PRKCB: variants seen among roughly 807,000 people sequenced by gnomAD.
PRKCB encodes protein kinase C beta type.
PRKCB carries 13 observed loss-of-function variants against 81.5 expected under a neutral mutation model. The observed-to-expected ratio is 0.16, with a 90% CI of 0.10 to 0.25. The LOEUF (loss-of-function observed/expected upper bound fraction) is 0.25. Among genes scored for constraint, PRKCB ranks in the 10% least tolerant of loss-of-function variants. The pLI is 1.00. For missense variants in PRKCB, 509 were observed against 875.7 expected, an observed-to-expected ratio of 0.58 and a Z score of 5.29; for synonymous variants, 335 against 321.4, an observed-to-expected ratio of 1.04 and a Z score of -0.45.
intron 6 of PRKCB, among the ~76,000 whole-genome samples, chr16:24,093,372 C>T (rs1966399986): frequency 6.6e-6 from 1 of 152,280 alleles, no homozygotes; most frequent in East Asian, 1.9e-4. Context: ...CACCAGCCTC[C>T]CTTGAGGGTC....
chr16:24,002,030 G>T (rs1444495391), intron 3 of PRKCB, among the ~76,000 whole-genome samples: 2 of 152,094 alleles, frequency 1.3e-5, no homozygotes, highest in African/African-American at 2.4e-5. Flanking sequence ...GTTATTTGTG[G>T]TTTCTCATGA....
Position 24,154,809 on chromosome 16 carries a change from T to C in PRKCB, c.1191T>C (p.Pro397=), listed in dbSNP as rs432998. ...TMVEKRVLAL[P]GKPPFLTQLH... ...TGGAGAAGCGGGTGTTGGCCCTGCC[T>C]GGGAAGCCGCCCTTCCTGACCCAGC... is the stretch of plus-strand genomic sequence containing the variant. The change falls in exon 10 of 17, where the codon CCT becomes CCC. Residue 397 remains proline, a synonymous_variant. Coordinates refer to ENST00000643927, the MANE Select transcript of PRKCB (RefSeq NM_002738.7). 546,694 of 1,613,752 alleles carry C rather than the reference T, an allele frequency of 0.34. 94,598 individuals carry two copies. The highest frequency in any genetic ancestry group is 0.47 in the South Asian group (42,643 of 91,052).
chr16:23,925,968 T>C (rs1368815304), intron 2 of PRKCB, among the ~76,000 whole-genome samples: 3 of 151,952 alleles, frequency 2.0e-5, no homozygotes, highest in African/African-American at 7.2e-5. Context: ...GGTTCCATCC[T>C]GTTGCTGCAA....
At chr16:23,861,000 G>A (rs1476330217) in intron 2 of PRKCB, among the ~76,000 whole-genome samples, 1 of 152,104 alleles carries the variant, frequency 6.6e-6, no homozygotes, top group African/African-American at 2.4e-5. Flanking sequence ...TCTAATGCAT[G>A]CAAATCTCCC....
intron 13 of PRKCB, among the ~76,000 whole-genome samples, chr16:24,182,367 A>G (rs1246266766): frequency 6.6e-6 from 1 of 152,080 alleles, no homozygotes; most frequent in East Asian, 1.9e-4. Flanking sequence ...AAAAAAAATT[A>G]AAAATTCGCC....
At chr16:23,847,403 T>C (rs559009370) in intron 2 of PRKCB, among the ~76,000 whole-genome samples, 2 of 151,700 alleles carry the variant, frequency 1.3e-5, no homozygotes, top group South Asian at 4.2e-4. Context: ...TATCCATCCA[T>C]CCACCTATCC....
intron 2 of PRKCB, among the ~76,000 whole-genome samples, chr16:23,892,690 C>T (rs896803262): frequency 6.6e-6 from 1 of 152,122 alleles, no homozygotes; most frequent in Non-Finnish European, 1.5e-5. Context: ...CGGTATACAG[C>T]ACTGAACGAA....
chr16:24,154,658 C>T (rs760425879), intron 9 of PRKCB, 26 bp from the exon 10 acceptor site: 12 of 1,612,750 alleles, frequency 7.4e-6, no homozygotes, highest in Non-Finnish European at 1.0e-5. Flanking sequence ...TTCCAACTGC[C>T]CTGACATGCT....
intron 2 of PRKCB, among the ~76,000 whole-genome samples, chr16:23,904,639 G>A (rs961425440): frequency 6.6e-6 from 1 of 152,202 alleles, no homozygotes; most frequent in Admixed American, 6.5e-5. Context: ...CTCCAGCCTG[G>A]GTGACAGAGC....
chr16:23,890,018 A>G (rs1963267762), intron 2 of PRKCB, among the ~76,000 whole-genome samples: 1 of 152,330 alleles, frequency 6.6e-6, no homozygotes, highest in South Asian at 2.1e-4. Flanking sequence ...TTATTCACTT[A>G]TCTAATTCCA....
intron 16 of PRKCB, among the ~76,000 whole-genome samples, chr16:24,207,141 G>C (rs148344877): frequency 1.4e-3 from 206 of 152,278 alleles, no homozygotes; most frequent in African/African-American, 4.9e-3. Context: ...TGTTGCCCAG[G>C]CTGGTCTCAC....
At chr16:23,866,474 C>A (rs1473517000) in intron 2 of PRKCB, among the ~76,000 whole-genome samples, 1 of 152,044 alleles carries the variant, frequency 6.6e-6, no homozygotes, top group Non-Finnish European at 1.5e-5. Flanking sequence ...CAATTTAGTC[C>A]CCTCTACCTT....
intron 2 of PRKCB, among the ~76,000 whole-genome samples, chr16:23,886,419 T>TG (rs1555482063): frequency 1.4e-5 from 2 of 142,458 alleles, no homozygotes; most frequent in Admixed American, 7.0e-5. Context: ...TTTTTTTTTT[T>TG]TTTTTTTTTT....
At chr16:24,197,027 G>T (rs920545466) in intron 16 of PRKCB, among the ~76,000 whole-genome samples, 16 of 151,520 alleles carry the variant, frequency 1.1e-4, no homozygotes, top group Admixed American at 5.9e-4. Flanking sequence ...AGCGTGTGCT[G>T]GTTCTGTCCT....
At position 24,216,056 on chromosome 16, in the gene PRKCB, A is replaced by G. The variant is rs1968223150; in HGVS notation, c.*1240A>G. 6 of 985,230 alleles carry G rather than the reference A, an allele frequency of 6.1e-6. No homozygotes were observed. Among genetic ancestry groups the G allele is most frequent in the African/African-American group, 1.7e-5 (1 of 57,284 alleles). The allele number at this position is 985,230 out of a possible 1,614,324, so 61.0% of individuals were successfully genotyped here. A position where few individuals can be genotyped will look rare whatever the true frequency, so the allele number is the denominator to read the frequency against. ...AAACTGCTCTTTTTGAGAAACGTGG[A>G]CCTAAACTACAAAGTGGGAACTGAG... On this transcript the variant is annotated 3_prime_UTR_variant, in exon 17 of 17. Coordinates refer to ENST00000643927, the MANE Select transcript of PRKCB (RefSeq NM_002738.7).
intron 2 of PRKCB, among the ~76,000 whole-genome samples, chr16:23,862,204 G>A (rs1159656530): frequency 2.6e-5 from 4 of 152,180 alleles, no homozygotes; most frequent in Non-Finnish European, 5.9e-5. Flanking sequence ...CATTGACTTG[G>A]TTGGACAGTA....
chr16:24,116,760 G>A (rs1395526718), intron 8 of PRKCB, among the ~76,000 whole-genome samples: 6 of 151,118 alleles, frequency 4.0e-5, no homozygotes, highest in African/African-American at 1.2e-4. Context: ...TGCTGATGAA[G>A]TGGTATCATT....
intron 9 of PRKCB, among the ~76,000 whole-genome samples, chr16:24,130,791 T>C (rs901126900): frequency 1.3e-5 from 2 of 152,130 alleles, no homozygotes; most frequent in Non-Finnish European, 2.9e-5. Context: ...GCTTGGGAAG[T>C]GGCACCAATC....
chr16:24,021,016 C>A (rs926453859), intron 3 of PRKCB, among the ~76,000 whole-genome samples: 2 of 139,820 alleles, frequency 1.4e-5, no homozygotes, highest in African/African-American at 5.5e-5. Context: ...TTCTTTCTTT[C>A]TTTCTTTCTT....
Sources: allele counts gnomAD v4.1 joint callset (sites outside exome capture counted in the v4.1 genomes callset), GRCh38; gene constraint gnomAD v4.1.1; transcripts MANE v1.5; gene names NCBI Gene and HGNC (gene_info 2026-07-23, HGNC 2026-07-21).